PAXBP1: variants seen among roughly 807,000 people sequenced by gnomAD.
PAXBP1 encodes the protein PAX3 and PAX7 binding protein 1.
A neutral mutation model predicts 119.9 loss-of-function variants in PAXBP1; 44 were observed. That is an observed-to-expected ratio of 0.37 (90% confidence interval 0.29 to 0.47). The LOEUF is 0.47. Among genes scored for constraint, PAXBP1 ranks in the 20% least tolerant of loss-of-function variants. PAXBP1 has a pLI of 0.99. For synonymous variants in PAXBP1, 393 were observed against 406.6 expected (o/e 0.97, Z 0.40); for missense variants, 898 against 1,134.1 (o/e 0.79, Z 2.99).
chr21:32,771,678 C>T lies in PAXBP1; in HGVS notation c.-10G>A, dbSNP rs1441215044. The stretch of plus-strand genomic sequence containing the variant: ...GGGCCTTTCGGAACATCCCCGCGGC[C>T]CGCACGGCGGTCGAATACTCGCTTC... On this transcript the variant is annotated 5_prime_UTR_variant, in exon 1 of 18. Coordinates refer to ENST00000331923, the MANE Select transcript of PAXBP1 (RefSeq NM_016631.4). 2 of 1,398,090 alleles carry T rather than the reference C, an allele frequency of 1.4e-6. No individual in the cohort carries two copies. The highest frequency in any genetic ancestry group is 9.2e-7 in the Non-Finnish European group (1 of 1,081,454). The allele number at this position is 1,398,090 out of a possible 1,614,324, so 86.6% of individuals were successfully genotyped here.
In PAXBP1 at chr21:32,759,771, C is replaced by T; in HGVS notation, c.1193+6G>A. ...GACAGGTCTTTAAGAAGTTGATCTGCCCTACCTGTCTTTAAGCTGTTTCTT... is the reference window on the plus strand; with the variant it reads ...GACAGGTCTTTAAGAAGTTGATCTGTCCTACCTGTCTTTAAGCTGTTTCTT... On this transcript the variant is annotated splice_donor_region_variant and intron_variant, in intron 6 of 17. Transcript: ENST00000331923. The T allele has an allele frequency of 6.2e-7, 1 of 1,608,952 alleles. No homozygotes were observed. The highest frequency in any genetic ancestry group is 8.5e-7 in the Non-Finnish European group (1 of 1,175,596).
chr21:32,745,837 C>T (rs568987240), intron 11 of PAXBP1, 119 bp from the exon 12 acceptor site: 11 of 1,251,164 alleles, frequency 8.8e-6, no homozygotes, highest in African/African-American at 4.5e-5. Flanking sequence ...AAAAACTGGA[C>T]GGCTGGAGAT....
rs371129196 is a variant in PAXBP1, at chr21:32,748,598, T to C, written c.1824A>G (p.Lys608=). 1.2e-5 allele frequency: 19 copies of C among 1,613,994 alleles called. No homozygotes were observed. In the African/African-American group the frequency reaches 2.4e-4, roughly 20 times the overall value. The change falls in exon 11 of 18, where the codon AAA becomes AAG. Residue 608 remains lysine, a synonymous_variant. Transcript: ENST00000331923. The part of the protein sequence containing the change: ...IKSQFEAWRS[K]YYTSYKDAYI... The stretch of plus-strand genomic sequence containing the variant: ...AAGCATCTTTGTAGGATGTGTAGTA[T>C]TTTGAACGCCATGCTTCAAACTGTG...
In PAXBP1 at chr21:32,743,417, A is replaced by G. The variant is rs186710352; in HGVS notation, c.2268-103T>C. On this transcript the variant is annotated intron_variant, in intron 14 of 17. Coordinates refer to ENST00000331923, the MANE Select transcript of PAXBP1 (RefSeq NM_016631.4). Reference sequence around the variant, plus strand: ...TTTCTACAAAACAGGTAAACAAAATAAATTTTTAATTTTTCAAATAATTGC... The same window carrying G: ...TTTCTACAAAACAGGTAAACAAAATGAATTTTTAATTTTTCAAATAATTGC... 118 of 830,124 alleles carry G rather than the reference A, an allele frequency of 1.4e-4. 1 individual carries two copies. Among genetic ancestry groups the G allele is most frequent in the Non-Finnish European group, 1.8e-4 (99 of 547,834 alleles). The allele number at this position is 830,124 out of a possible 1,614,324, so 51.4% of individuals were successfully genotyped here.
At chr21:32,771,227 AGGGCTCCGGGGCT>A in intron 1 of PAXBP1, 86 bp downstream of exon 1, 1 of 1,145,476 alleles carries the variant, frequency 8.7e-7, no homozygotes, top group African/African-American at 1.6e-5. Flanking sequence ...ACTCCGTTCC[AGGGCTCCGGGGCT>A]GGGCGTCCAG....
At chr21:32,738,434 TAAGA>T in intron 15 of PAXBP1, 115 bp from the exon 16 acceptor site, 3 of 751,100 alleles carry the variant, frequency 4.0e-6, no homozygotes, top group South Asian at 1.8e-5. Flanking sequence ...GCCAAAGTAC[TAAGA>T]AATATTAATA....
In PAXBP1 at chr21:32,755,335, G is replaced by A. The variant is rs1310056636; in HGVS notation, c.1402C>T (p.Leu468Phe). 1.2e-6 allele frequency: 2 copies of A among 1,612,520 alleles called. No individual in the cohort carries two copies. Among genetic ancestry groups the A allele is most frequent in the Admixed American group, 3.3e-5 (2 of 59,728 alleles). ...TACAGCTGATGTATTGCTGATTCAA[G>A]TTCATTAATCAGTGGCACCTGTAAA... ...FSEKVPLINE[L>F]ESAIHQLYKQ... Residue 468 changes from leucine to phenylalanine, a missense_variant, in exon 8 of 18, where the codon CTT (leucine) becomes TTT (phenylalanine). Coordinates refer to ENST00000331923, the MANE Select transcript of PAXBP1 (RefSeq NM_016631.4).
intron 10 of PAXBP1, among the ~76,000 whole-genome samples, chr21:32,749,984 T>C (rs9981698): frequency 0.08 from 12,200 of 152,112 alleles, 632 homozygotes; most frequent in South Asian, 0.16. Flanking sequence ...AAATAACCCA[T>C]AAAAATAGTT....
chr21:32,755,172 C>G, intron 8 of PAXBP1, 58 bp downstream of exon 8: 1 of 1,480,730 alleles, frequency 6.8e-7, no homozygotes, highest in Non-Finnish European at 9.0e-7. Context: ...TTCAATTAGG[C>G]TGCACTAAGT....
intron 15 of PAXBP1, among the ~76,000 whole-genome samples, chr21:32,740,062 G>A (rs909680569): frequency 6.6e-6 from 1 of 151,922 alleles, no homozygotes. Flanking sequence ...ACTGTGAAAG[G>A]GAAATATCTT....
At chr21:32,755,172 C>A in intron 8 of PAXBP1, 58 bp downstream of exon 8, 3 of 1,480,726 alleles carry the variant, frequency 2.0e-6, no homozygotes, top group Non-Finnish European at 2.7e-6. Flanking sequence ...TTCAATTAGG[C>A]TGCACTAAGT....
chr21:32,749,469 C>T (rs1286880735), intron 10 of PAXBP1, among the ~76,000 whole-genome samples: 1 of 152,062 alleles, frequency 6.6e-6, no homozygotes, highest in African/African-American at 2.4e-5. Context: ...GCTGGGATTA[C>T]AGGTGTGAGC....
At chr21:32,744,540 A>T (rs1485690512) in intron 13 of PAXBP1, among the ~76,000 whole-genome samples, 1 of 152,120 alleles carries the variant, frequency 6.6e-6, no homozygotes, top group Non-Finnish European at 1.5e-5. Flanking sequence ...ATTTAAAATG[A>T]TGACATCTTC....
intron 7 of PAXBP1, among the ~76,000 whole-genome samples, chr21:32,758,057 T>C (rs948392859): frequency 2.0e-5 from 3 of 152,238 alleles, no homozygotes; most frequent in Non-Finnish European, 4.4e-5. Flanking sequence ...TATCTCATCC[T>C]GAATCTGGCC....
chr21:32,764,885 C>T (rs2044214768), intron 2 of PAXBP1, among the ~76,000 whole-genome samples: 4 of 152,212 alleles, frequency 2.6e-5, no homozygotes, highest in Admixed American at 2.6e-4. Flanking sequence ...ACTGCTTGTA[C>T]CTCTTTCAAG....
intron 3 of PAXBP1, 44 bp from the exon 4 acceptor site, chr21:32,762,361 G>A: frequency 6.4e-7 from 1 of 1,561,598 alleles, no homozygotes. Flanking sequence ...GAGATGCAAA[G>A]TTTCTATTTT....
At chr21:32,747,834 C>T (rs547713970) in intron 11 of PAXBP1, among the ~76,000 whole-genome samples, 2 of 151,428 alleles carry the variant, frequency 1.3e-5, no homozygotes, top group African/African-American at 4.9e-5. Flanking sequence ...ATCACCCAGG[C>T]TGCAGTGCAG....
chr21:32,739,968 G>T (rs1477129464), intron 15 of PAXBP1, among the ~76,000 whole-genome samples: 2 of 71,396 alleles, frequency 2.8e-5, no homozygotes, highest in Non-Finnish European at 3.0e-5. Context: ...AAAAAAAAAA[G>T]GCAATTTGTT....
intron 8 of PAXBP1, among the ~76,000 whole-genome samples, chr21:32,754,419 A>C (rs550234856): frequency 1.3e-5 from 2 of 152,304 alleles, no homozygotes; most frequent in Admixed American, 1.3e-4. Flanking sequence ...GAAATGACAA[A>C]AGAAACCACA....
Sources: allele counts gnomAD v4.1 joint callset (sites outside exome capture counted in the v4.1 genomes callset), GRCh38; gene constraint gnomAD v4.1.1; transcripts MANE v1.5; gene names NCBI Gene and HGNC (gene_info 2026-07-23, HGNC 2026-07-21).